The following CYSTM1 variants were observed in gnomAD, a reference collection of about 807,000 sequenced individuals.
CYSTM1 encodes the protein cysteine-rich transmembrane module-containing protein 1.
A neutral mutation model predicts 13.1 loss-of-function variants in CYSTM1; 4 were observed. That is an observed-to-expected ratio of 0.31 (90% CI 0.15 to 0.70). The LOEUF is 0.70. Ranked by LOEUF, CYSTM1 falls within the 30% of genes least tolerant of loss-of-function variation. The probability of loss-of-function intolerance (pLI) is 0.72; values close to 1 mark genes in which losing one functional copy is unlikely to be tolerated. For missense variants in CYSTM1, 96 were observed against 121.6 expected (o/e 0.79, Z 0.99); for synonymous variants, 36 against 42.7 (o/e 0.84, Z 0.62).
intron 1 of CYSTM1, among the ~76,000 whole-genome samples, chr5:140,189,445 C>G (rs567809634): frequency 6.6e-6 from 1 of 152,214 alleles, no homozygotes; most frequent in Non-Finnish European, 1.5e-5. Flanking sequence ...CTTGTACAGT[C>G]AGCAGAACCA....
rs571789080 is a variant in CYSTM1 at position 140,236,149 on chromosome 5, T to G, written c.188-7156T>G. On this transcript the variant is annotated intron_variant, in intron 2 of 2. Coordinates refer to ENST00000261811, the MANE Select transcript of CYSTM1 (RefSeq NM_032412.4). ...TCTCACCACTATGAGAAGCTCTTGG[T>G]TTTCTCCTCAGGTTTACAAAAATAA... Among the ~76,000 whole-genome samples the G allele has an allele frequency of 1.2e-4, 19 of 152,330 alleles. No homozygotes were observed. In the South Asian group the frequency reaches 3.7e-3, roughly 30 times the overall value.
At chr5:140,241,127 T>G (rs1289535556) in intron 2 of CYSTM1, among the ~76,000 whole-genome samples, 3 of 152,210 alleles carry the variant, frequency 2.0e-5, no homozygotes, top group Admixed American at 6.5e-5. Context: ...TCCCCACGTT[T>G]CCAAGTATGT....
chr5:140,199,540 G>A (rs1371988974), intron 2 of CYSTM1, among the ~76,000 whole-genome samples: 1 of 152,192 alleles, frequency 6.6e-6, no homozygotes, highest in Non-Finnish European at 1.5e-5. Flanking sequence ...GCCCAGGCTG[G>A]AGTGCAGTGG....
intron 2 of CYSTM1, among the ~76,000 whole-genome samples, chr5:140,210,879 T>C (rs1202399196): frequency 6.6e-6 from 1 of 152,100 alleles, no homozygotes; most frequent in Non-Finnish European, 1.5e-5. Context: ...CTAATAAGCT[T>C]CATGAGCAGC....
chr5:140,217,846 G>T (rs993873222), intron 2 of CYSTM1, among the ~76,000 whole-genome samples: 7 of 152,152 alleles, frequency 4.6e-5, no homozygotes, highest in African/African-American at 1.7e-4. Context: ...CATTTAGTGT[G>T]CCAGGCCTAC....
rs1035520867 is a variant in CYSTM1 at position 140,230,164 on chromosome 5, G to A, written c.188-13141G>A. ...TGGGATTACAGGCGTAAGCCACCGC[G>A]CACCTGGCCCTGAATTTATTTTTTA... On this transcript the variant is annotated intron_variant, in intron 2 of 2. Coordinates refer to ENST00000261811, the MANE Select transcript of CYSTM1 (RefSeq NM_032412.4). The surrounding 1 kb of genome is among the most constrained non-coding windows in gnomAD (Gnocchi z 4.1). Among the ~76,000 whole-genome samples the A allele has an allele frequency of 2.0e-5, 3 of 152,186 alleles. No individual in the cohort carries two copies. Among genetic ancestry groups the A allele is most frequent in the Non-Finnish European group, 2.9e-5 (2 of 68,044 alleles).
chr5:140,179,659 T>C (rs879582774), intron 1 of CYSTM1, among the ~76,000 whole-genome samples: 5 of 65,872 alleles, frequency 7.6e-5, no homozygotes, highest in Non-Finnish European at 1.3e-4. Context: ...CTCTTTTTTT[T>C]CTTTCTTTTC....
At chr5:140,192,438 C>T (rs1409473328) in intron 1 of CYSTM1, among the ~76,000 whole-genome samples, 1 of 152,050 alleles carries the variant, frequency 6.6e-6, no homozygotes, top group African/African-American at 2.4e-5. Context: ...ACTGGAAATT[C>T]GATAGAGGTA....
At position 140,217,706 on chromosome 5, in the gene CYSTM1, T is replaced by C. The variant is rs76364496; in HGVS notation, c.187+23054T>C. Among the ~76,000 whole-genome samples the C allele has an allele frequency of 2.3e-4, 35 of 152,330 alleles. No individual in the cohort carries two copies. In the East Asian group the frequency reaches 5.8e-3, roughly 25 times the overall value. ...TTGAGAGCAGTTGGGTCTCATATTT[T>C]TCCTTATCAGTGCTTTGCAGTTGCT... On this transcript the variant is annotated intron_variant, in intron 2 of 2. Transcript: ENST00000261811.
chr5:140,237,329 A>G (rs1368070458), intron 2 of CYSTM1, among the ~76,000 whole-genome samples: 6 of 152,228 alleles, frequency 3.9e-5, no homozygotes, highest in Middle Eastern at 3.2e-3. Context: ...CCCTTGATGC[A>G]TAGCCACATT....
chr5:140,206,630 G>GTTTC (rs1173136167), intron 2 of CYSTM1, among the ~76,000 whole-genome samples: 3 of 151,006 alleles, frequency 2.0e-5, no homozygotes, highest in African/African-American at 7.3e-5. Context: ...TTGTTTGTTT[G>GTTTC]TTTGTTTGTT....
At chr5:140,215,405 G>A (rs938980928) in intron 2 of CYSTM1, among the ~76,000 whole-genome samples, 4 of 152,140 alleles carry the variant, frequency 2.6e-5, no homozygotes, top group African/African-American at 4.8e-5. Context: ...AGTCCAGAGC[G>A]ATCAGTGGTC....
At position 140,193,133 on chromosome 5, in the gene CYSTM1, T is replaced by C. The variant is rs1764112071; in HGVS notation, c.-20-1313T>C. 2.6e-5 allele frequency among the ~76,000 whole-genome samples: 4 copies of C among 152,196 alleles called. No homozygotes were observed. In the South Asian group the frequency reaches 8.3e-4, roughly 31 times the overall value. ...TCTGAGACTCTTCCCTACTATTTGG[T>C]TGGGGATAGAAGACACTCAAATAGG... On this transcript the variant is annotated intron_variant, in intron 1 of 2. Coordinates refer to ENST00000261811, the MANE Select transcript of CYSTM1 (RefSeq NM_032412.4).
At chr5:140,211,248 A>C (rs1405660392) in intron 2 of CYSTM1, among the ~76,000 whole-genome samples, 1 of 152,250 alleles carries the variant, frequency 6.6e-6, no homozygotes, top group African/African-American at 2.4e-5. Context: ...ATATAGATGA[A>C]GAAACTGAAG....
intron 1 of CYSTM1, among the ~76,000 whole-genome samples, chr5:140,182,926 A>G (rs1763975326): frequency 6.6e-6 from 1 of 152,186 alleles, no homozygotes; most frequent in Non-Finnish European, 1.5e-5. Flanking sequence ...GCCACCCCGC[A>G]GTGCTGACTG....
intron 2 of CYSTM1, among the ~76,000 whole-genome samples, chr5:140,204,075 T>C (rs139037881): frequency 6.6e-6 from 1 of 152,224 alleles, no homozygotes; most frequent in East Asian, 1.9e-4. Context: ...AACTAGAATA[T>C]AAGTTTCCTG....
intron 2 of CYSTM1, among the ~76,000 whole-genome samples, chr5:140,221,467 T>C (rs974374093): frequency 1.3e-5 from 2 of 152,228 alleles, no homozygotes; most frequent in African/African-American, 4.8e-5. Context: ...TGGAATCATA[T>C]AGTATTTGTC....
At chr5:140,183,099 A>G (rs1763977325) in intron 1 of CYSTM1, among the ~76,000 whole-genome samples, 2 of 152,196 alleles carry the variant, frequency 1.3e-5, no homozygotes, top group Non-Finnish European at 2.9e-5. Context: ...TTTCCCACAA[A>G]GCCTAATCTA....
intron 2 of CYSTM1, among the ~76,000 whole-genome samples, chr5:140,227,874 A>T (rs754780819): frequency 6.6e-6 from 1 of 152,070 alleles, no homozygotes; most frequent in Non-Finnish European, 1.5e-5. Flanking sequence ...GAAAACCTCC[A>T]CCTCTCTCCA....
Sources: gnomAD v4.1 joint callset for allele counts (sites outside exome capture counted in the v4.1 genomes callset) on GRCh38, gnomAD v4.1.1 for gene constraint, Gnocchi (gnomAD v3.1) non-coding constraint, MANE v1.5 for transcripts, NCBI Gene and HGNC (gene_info 2026-07-23, HGNC 2026-07-21) for gene names.